The following AKAP13 variants were observed in gnomAD, a reference collection of about 807,000 sequenced individuals.
AKAP13 encodes the protein A-kinase anchoring protein 13, also known as A-kinase anchor protein 13.
AKAP13 carries 80 observed loss-of-function variants against 264.5 expected under a neutral mutation model. The observed-to-expected ratio is 0.30, with a 90% CI of 0.25 to 0.36. The LOEUF (loss-of-function observed/expected upper bound fraction) is 0.36. Among genes scored for constraint, AKAP13 ranks in the 10% least tolerant of loss-of-function variants. The pLI is 1.00. For synonymous variants in AKAP13, 1,380 were observed against 1,250.2 expected, an observed-to-expected ratio of 1.10 and a Z score of -2.19; for missense variants, 3,712 against 3,435.2, an observed-to-expected ratio of 1.08 and a Z score of -2.01.
At chr15:85,610,891 A>T (rs903681681) in intron 8 of AKAP13, among the ~76,000 whole-genome samples, 1 of 152,226 alleles carries the variant, frequency 6.6e-6, no homozygotes. Context: ...AGGCAGGAGA[A>T]TCACTAGAAC....
chr15:85,520,392 G>A (rs1298634838), intron 2 of AKAP13, among the ~76,000 whole-genome samples: 1 of 151,340 alleles, frequency 6.6e-6, no homozygotes, highest in East Asian at 1.9e-4. Context: ...CAGCTACTCA[G>A]GAGGCTGAGA....
Position 85,717,327 on chromosome 15 carries a change from T to C in AKAP13, c.5773T>C (p.Phe1925Leu), listed in dbSNP as rs376775632. The change falls in exon 21 of 37, where the codon TTC becomes CTC. Residue 1925 changes from phenylalanine to leucine, a missense_variant. Phe to Leu is a conservative substitution (Grantham distance 22, BLOSUM62 0). This residue lies in a region of AKAP13 where 2,759 missense variants were observed against 2,411.7 expected (regional missense o/e 1.14). Coordinates refer to ENST00000394518, the MANE Select transcript of AKAP13 (RefSeq NM_007200.5). ...NDENMSNTWK[F>L]LSHSTDSLNK... Reference sequence around the variant, plus strand: ...TGAGAACATGTCAAACACCTGGAAATTCCTGTCTCATTCAACAGACTCACT... The same window carrying C: ...TGAGAACATGTCAAACACCTGGAAACTCCTGTCTCATTCAACAGACTCACT... The C allele has an allele frequency of 4.3e-6, 7 of 1,612,564 alleles. No individual in the cohort carries two copies. The highest frequency in any genetic ancestry group is 5.9e-6 in the Non-Finnish European group (7 of 1,179,718).
intron 5 of AKAP13, among the ~76,000 whole-genome samples, chr15:85,569,577 C>T (rs775923869): frequency 1.3e-5 from 2 of 151,430 alleles, no homozygotes; most frequent in Admixed American, 6.6e-5. Flanking sequence ...CTTAGCCTCC[C>T]GAGTTGCTGG....
At position 85,693,339 on chromosome 15, in the gene AKAP13, AG is replaced by A; in HGVS notation, c.5353del (p.Asp1785IlefsTer25). ...KEKDSKDKEK[D>X]KKTVNGHTFS... ...AGAAAGATTCTAAAGACAAGGAGAA[AG>A]ATAAGAAGACTGTCAACGGGCACAC... On this transcript the variant is annotated frameshift_variant, in exon 17 of 37. Coordinates refer to ENST00000394518, the MANE Select transcript of AKAP13 (RefSeq NM_007200.5). LOFTEE classifies it high-confidence loss of function. 1 of 1,613,116 alleles carries A rather than the reference AG, an allele frequency of 6.2e-7. No homozygotes were observed. The highest frequency in any genetic ancestry group is 8.5e-7 in the Non-Finnish European group (1 of 1,179,798).
intron 16 of AKAP13, among the ~76,000 whole-genome samples, chr15:85,692,065 A>G (rs1266332120): frequency 6.6e-6 from 1 of 152,026 alleles, no homozygotes; most frequent in African/African-American, 2.4e-5. Flanking sequence ...GGTTTTTGAG[A>G]AAAATTATTA....
intron 1 of AKAP13, among the ~76,000 whole-genome samples, chr15:85,399,003 C>G (rs1232430095): frequency 6.6e-6 from 1 of 152,110 alleles, no homozygotes; most frequent in African/African-American, 2.4e-5. Flanking sequence ...GAAGGACAGC[C>G]TTATACATAC....
Position 85,745,407 on chromosome 15 carries a change from C to T in AKAP13, c.*730C>T, listed in dbSNP as rs1453813763. The T allele has an allele frequency of 6.6e-6, 1 of 152,152 alleles. No homozygotes were observed. The highest frequency in any genetic ancestry group is 2.4e-5 in the African/African-American group (1 of 41,422). 9.4% of individuals were successfully genotyped at this position (152,152 alleles called of 1,614,324 possible). A position where few individuals can be genotyped will look rare whatever the true frequency, so the allele number is the denominator to read the frequency against. ...ACCACCTCGATCTCGGTGTTTCAGG[C>T]ACTAAAGCAACAAAACAACCCATAG... On this transcript the variant is annotated 3_prime_UTR_variant, in exon 37 of 37. Transcript: ENST00000394518.
intron 1 of AKAP13, among the ~76,000 whole-genome samples, chr15:85,438,305 A>G (rs1050696052): frequency 2.0e-4 from 29 of 143,146 alleles, no homozygotes; most frequent in African/African-American, 7.6e-4. Flanking sequence ...CCACTGCTCA[A>G]GGAAATAAAA....
Position 85,557,500 on chromosome 15 carries a change from T to C in AKAP13, c.662+13545T>C, listed in dbSNP as rs938243354. Among the ~76,000 whole-genome samples the C allele has an allele frequency of 2.0e-5, 3 of 152,206 alleles. No individual in the cohort carries two copies. The East Asian group carries it at 5.8e-4, about 29-fold the overall frequency. ...TTTTTTTTGTGTTTTGTTGTTTGTT[T>C]TGAGATAAGGTCTCATTCTGTTGCC... is the stretch of plus-strand genomic sequence containing the variant. On this transcript the variant is annotated intron_variant, in intron 5 of 36. Transcript: ENST00000394518.
chr15:85,433,914 C>T (rs1374064117), intron 1 of AKAP13, among the ~76,000 whole-genome samples: 2 of 151,552 alleles, frequency 1.3e-5, no homozygotes, highest in Non-Finnish European at 2.9e-5. Context: ...GCACTCCAGC[C>T]TGGGTGACAG....
chr15:85,709,661 T>TTTTATTTTATTTTAC (rs751305863), intron 18 of AKAP13, among the ~76,000 whole-genome samples: 1,768 of 40,606 alleles, frequency 0.044, 14 homozygotes, highest in Non-Finnish European at 0.068. Flanking sequence ...AAAGGGGGAA[T>TTTTATTTTATTTTAC]TTTATTTTAT....
At chr15:85,716,892 A>G (rs2086981546) in intron 20 of AKAP13, among the ~76,000 whole-genome samples, 1 of 152,240 alleles carries the variant, frequency 6.6e-6, no homozygotes, top group African/African-American at 2.4e-5. Context: ...GGATTGAGAA[A>G]GTCCAAAGAG....
chr15:85,715,867 A>T lies in AKAP13; in HGVS notation c.5679A>T (p.Arg1893Ser), dbSNP rs748603030. 2 of 1,613,632 alleles carry T rather than the reference A, an allele frequency of 1.2e-6. No individual in the cohort carries two copies. The highest frequency in any genetic ancestry group is 2.2e-5 in the South Asian group (2 of 91,054). The part of the protein sequence containing the change: ...ETATTPIFAN[R>S]RSQQSVSLSK... ...CTACCACCCCAATATTTGCCAATAG[A>T]CGATCCCAGCAGAGTGTCTCGCTCT... Residue 1893 changes from arginine to serine, a missense_variant, in exon 20 of 37, where the codon AGA becomes AGT. By Grantham distance (110) the Arg-to-Ser change is moderately radical. This residue lies in a region of AKAP13 where 2,759 missense variants were observed against 2,411.7 expected (regional missense o/e 1.14). Transcript: ENST00000394518.
At chr15:85,722,997 A>G in intron 25 of AKAP13, 75 bp from the exon 26 acceptor site, 1 of 1,548,846 alleles carries the variant, frequency 6.5e-7, no homozygotes, top group African/African-American at 1.4e-5. Flanking sequence ...ATATGGAGTG[A>G]GAAGTCAGGA....
chr15:85,555,734 A>G (rs893953120), intron 5 of AKAP13, among the ~76,000 whole-genome samples: 1 of 152,192 alleles, frequency 6.6e-6, no homozygotes, highest in African/African-American at 2.4e-5. Context: ...GAAGGCAGAG[A>G]CTGATTGGTT....
intron 1 of AKAP13, among the ~76,000 whole-genome samples, chr15:85,462,806 C>G (rs899522324): frequency 6.6e-6 from 1 of 151,640 alleles, no homozygotes; most frequent in Non-Finnish European, 1.5e-5. Context: ...GGGCGGATCA[C>G]GAGGTCAGGA....
chr15:85,695,961 G>A (rs1014761094), intron 17 of AKAP13, among the ~76,000 whole-genome samples: 1 of 152,186 alleles, frequency 6.6e-6, no homozygotes, highest in East Asian at 1.9e-4. Context: ...GAATAACCTG[G>A]TTGCCTAGAG....
intron 34 of AKAP13, chr15:85,740,639 G>A (rs1051485843): frequency 9.0e-5 from 28 of 310,698 alleles, no homozygotes; most frequent in African/African-American, 3.0e-4. Flanking sequence ...CTTCTGTTTC[G>A]GACTTCCCAG....
At chr15:85,704,373 G>C (rs540819842) in intron 17 of AKAP13, among the ~76,000 whole-genome samples, 74 of 152,158 alleles carry the variant, frequency 4.9e-4, no homozygotes, top group African/African-American at 1.7e-3. Flanking sequence ...CCTCGCTAAT[G>C]GTTTGTTTTA....
Sources: allele counts gnomAD v4.1 joint callset (sites outside exome capture counted in the v4.1 genomes callset), GRCh38; gene constraint gnomAD v4.1.1; regional missense constraint gnomAD v4.1.1; transcripts MANE v1.5; gene names NCBI Gene and HGNC (gene_info 2026-07-23, HGNC 2026-07-21).